Variants in EEFSEC observed in about 807,000 individuals in gnomAD.
EEFSEC encodes eukaryotic elongation factor, selenocysteine-tRNA specific, also known as selenocysteine-specific elongation factor.
Under a neutral mutation model 42.1 loss-of-function variants are expected in EEFSEC, and 43 were observed. The ratio of observed to expected loss-of-function variants is 1.02; its 90% CI spans 0.80 to 1.32. The LOEUF (loss-of-function observed/expected upper bound fraction) is 1.32. Ranked by LOEUF, EEFSEC falls within the 40% of genes most tolerant of loss-of-function variation. EEFSEC has a pLI of 0.00. For synonymous variants in EEFSEC, 354 were observed against 339.1 expected (o/e 1.04, Z -0.48); for missense variants, 745 against 803.6 (o/e 0.93, Z 0.88).
chr3:128,364,554 C>T (rs1017021248), intron 6 of EEFSEC, among the ~76,000 whole-genome samples: 1 of 152,200 alleles, frequency 6.6e-6, no homozygotes, highest in Admixed American at 6.5e-5. Flanking sequence ...GATGGGGAGT[C>T]GGGAACCTGG....
At chr3:128,367,698 C>T in intron 6 of EEFSEC, 1 of 985,438 alleles carries the variant, frequency 1.0e-6, no homozygotes, top group Middle Eastern at 5.2e-4. Context: ...AGCCTTGAAA[C>T]CAGACCCAGA....
downstream of EEFSEC, among the ~76,000 whole-genome samples, chr3:128,410,528 G>T (rs568174628): frequency 2.6e-5 from 4 of 152,314 alleles, no homozygotes; most frequent in South Asian, 6.2e-4. Context: ...CACACAGGGC[G>T]AATGTGGCTG....
At chr3:128,184,461 T>C (rs143952601) in intron 1 of EEFSEC, among the ~76,000 whole-genome samples, 1 of 152,364 alleles carries the variant, frequency 6.6e-6, no homozygotes, top group East Asian at 1.9e-4. Context: ...CTCGGCATAA[T>C]GTTCTCAGAG....
chr3:128,421,930 G>A, the EEFSEC span, among the ~76,000 whole-genome samples: 3 of 152,270 alleles, frequency 2.0e-5, no homozygotes, highest in African/African-American at 2.4e-5. Context: ...AGCTCCCTCC[G>A]CACTCCCCCG....
At chr3:128,261,653 T>A (rs1421211166) in intron 2 of EEFSEC, among the ~76,000 whole-genome samples, 1 of 150,296 alleles carries the variant, frequency 6.7e-6, no homozygotes, top group East Asian at 2.0e-4. Flanking sequence ...ATGCGGGGGC[T>A]TTGCTAGTAG....
At chr3:128,322,674 G>A (rs568862142) in intron 4 of EEFSEC, among the ~76,000 whole-genome samples, 1 of 152,344 alleles carries the variant, frequency 6.6e-6, no homozygotes, top group South Asian at 2.1e-4. Flanking sequence ...GAGCTGATGG[G>A]GCAGAGACTC....
intron 6 of EEFSEC, among the ~76,000 whole-genome samples, chr3:128,398,219 G>A (rs777425877): frequency 1.2e-4 from 18 of 152,190 alleles, no homozygotes; most frequent in Non-Finnish European, 2.4e-4. Context: ...GGCCCTAGGG[G>A]AAGGCTGGGC....
chr3:128,358,414 A>G (rs568318060), intron 6 of EEFSEC, 41 bp downstream of exon 6: 2 of 1,604,628 alleles, frequency 1.2e-6, no homozygotes, highest in Non-Finnish European at 1.7e-6. Flanking sequence ...GACACCGTGC[A>G]GGGCACAGAG....
intron 4 of EEFSEC, among the ~76,000 whole-genome samples, chr3:128,287,349 G>T (rs755606085): frequency 6.6e-6 from 1 of 152,268 alleles, no homozygotes; most frequent in African/African-American, 2.4e-5. Flanking sequence ...ATCAAGAATG[G>T]AATCTGGGGG....
At chr3:128,410,346 C>CA (rs1056627495), downstream of EEFSEC, among the ~76,000 whole-genome samples, 1 of 152,204 alleles carries the variant, frequency 6.6e-6, no homozygotes, top group African/African-American at 2.4e-5. Context: ...TCCTGGCCTG[C>CA]ATGGGCAGGG....
chr3:128,385,825 C>T lies in EEFSEC; in HGVS notation c.1601-22244C>T, dbSNP rs144428383. 2.4e-4 allele frequency among the ~76,000 whole-genome samples: 36 copies of T among 152,272 alleles called. 1 individual carries two copies. The highest frequency in any genetic ancestry group is 7.5e-4 in the African/African-American group (31 of 41,558). On this transcript the variant is annotated intron_variant, in intron 6 of 6. Transcript: ENST00000254730. ...AGGCAGGAGGCTGAGGCCTGGGGCA[C>T]GACACTGATAGGCAGGTCAGCCCAG...
At chr3:128,184,977 G>A (rs1460620311) in intron 1 of EEFSEC, among the ~76,000 whole-genome samples, 3 of 152,146 alleles carry the variant, frequency 2.0e-5, no homozygotes, top group Non-Finnish European at 2.9e-5. Context: ...TGAGGCTACA[G>A]TGTGCTATGA....
chr3:128,410,399 T>A (rs948228817), downstream of EEFSEC, among the ~76,000 whole-genome samples: 1 of 152,098 alleles, frequency 6.6e-6, no homozygotes, highest in Non-Finnish European at 1.5e-5. Flanking sequence ...TGAGGGGTGA[T>A]GTGACCCAGT....
intron 1 of EEFSEC, among the ~76,000 whole-genome samples, chr3:128,183,250 A>G (rs2065430363): frequency 6.6e-6 from 1 of 152,158 alleles, no homozygotes; most frequent in African/African-American, 2.4e-5. Flanking sequence ...AACCTGTGGT[A>G]ATCTGATTTA....
At chr3:128,209,669 G>A (rs1158859404) in intron 1 of EEFSEC, among the ~76,000 whole-genome samples, 1 of 152,182 alleles carries the variant, frequency 6.6e-6, no homozygotes, top group Admixed American at 6.5e-5. Context: ...CTTTGCAAAA[G>A]TAGAATAAAC....
intron 6 of EEFSEC, among the ~76,000 whole-genome samples, chr3:128,373,092 G>A (rs754940324): frequency 2.6e-5 from 4 of 152,170 alleles, no homozygotes. Flanking sequence ...GATCTGCCCT[G>A]TACAAATGTC....
intron 4 of EEFSEC, among the ~76,000 whole-genome samples, chr3:128,290,743 TTTTG>T (rs374027375): frequency 4.6e-5 from 7 of 152,058 alleles, no homozygotes; most frequent in East Asian, 1.9e-4. Flanking sequence ...TTTGGGGTTG[TTTTG>T]TTTGTTTGTT....
rs980803911 is a variant in EEFSEC at position 128,162,816 on chromosome 3, A to G, written c.316+8993A>G. ...GCAAAGACTCTGGCTTCTTGAGGCA[A>G]ATATTTTGCTGGAAGGTTATAATCA... On this transcript the variant is annotated intron_variant, in intron 1 of 6. Coordinates refer to ENST00000254730, the MANE Select transcript of EEFSEC (RefSeq NM_021937.5). Among the ~76,000 whole-genome samples, 7 of 152,324 alleles carry G rather than the reference A, an allele frequency of 4.6e-5. No individual in the cohort carries two copies. The South Asian group carries it at 1.4e-3, about 32-fold the overall frequency.
At chr3:128,374,188 T>A (rs1210652976) in intron 6 of EEFSEC, among the ~76,000 whole-genome samples, 1 of 152,244 alleles carries the variant, frequency 6.6e-6, no homozygotes, top group Admixed American at 6.5e-5. Context: ...TGCCCAGTGC[T>A]GTCATCGACT....
Sources: gnomAD v4.1 joint callset for allele counts (sites outside exome capture counted in the v4.1 genomes callset) on GRCh38, gnomAD v4.1.1 for gene constraint, MANE v1.5 for transcripts, NCBI Gene and HGNC (gene_info 2026-07-23, HGNC 2026-07-21) for gene names.